The following SSH1 variants were observed in gnomAD, a reference collection of about 807,000 sequenced individuals.
The protein encoded by SSH1 is protein phosphatase Slingshot homolog 1.
In SSH1, 43 loss-of-function variants were observed where a neutral mutation model predicts 79.7. That is an observed-to-expected ratio of 0.54 (90% CI 0.42 to 0.70). The LOEUF (loss-of-function observed/expected upper bound fraction) is 0.70, where lower values mean the gene tolerates loss of function less well. SSH1 is among the 30% of genes least tolerant of loss of function. The pLI, the probability that SSH1 is intolerant of heterozygous loss-of-function variation, is 0.00. For synonymous variants in SSH1, 599 were observed against 538.3 expected, an observed-to-expected ratio of 1.11 and a Z score of -1.56; for missense variants, 1,206 against 1,358.8, an observed-to-expected ratio of 0.89 and a Z score of 1.77.
chr12:108,845,560 G>T (rs928362107), intron 2 of SSH1, among the ~76,000 whole-genome samples: 2 of 152,048 alleles, frequency 1.3e-5, no homozygotes, highest in Non-Finnish European at 2.9e-5. Flanking sequence ...GGTGGTATGC[G>T]CCTGTAATCC....
intron 2 of SSH1, among the ~76,000 whole-genome samples, chr12:108,830,376 C>T (rs2038443543): frequency 6.6e-6 from 1 of 152,074 alleles, no homozygotes; most frequent in Admixed American, 6.5e-5. Flanking sequence ...CACTTGTACC[C>T]TGGAGGTCGA....
rs920801484 is a variant in SSH1 at position 108,827,132 on chromosome 12, G to T, written c.111-3771C>A. ...TTCATAAGATTAAAGTTTCTCCAAA[G>T]CATTGAAGACAGACAAAAAACCTCA... On this transcript the variant is annotated intron_variant, in intron 2 of 14. Coordinates refer to ENST00000326495, the MANE Select transcript of SSH1 (RefSeq NM_018984.4). 3 of 788,260 alleles carry T rather than the reference G, an allele frequency of 3.8e-6. No homozygotes were observed. The African/African-American group carries it at 5.3e-5, about 14-fold the overall frequency. The allele number at this position is 788,260 out of a possible 1,614,324, so 48.8% of individuals were successfully genotyped here.
At chr12:108,818,764 T>A (rs184426682) in intron 3 of SSH1, among the ~76,000 whole-genome samples, 2 of 152,232 alleles carry the variant, frequency 1.3e-5, no homozygotes, top group South Asian at 2.1e-4. Context: ...TCAAACAACT[T>A]CTTCTTCTAT....
At chr12:108,846,420 G>A (rs1322360175) in intron 2 of SSH1, among the ~76,000 whole-genome samples, 3 of 152,178 alleles carry the variant, frequency 2.0e-5, no homozygotes, top group African/African-American at 7.2e-5. Flanking sequence ...GGATGGCAAG[G>A]GAGCCAGGAG....
chr12:108,851,422 A>G (rs2039037238), intron 2 of SSH1, among the ~76,000 whole-genome samples: 1 of 152,088 alleles, frequency 6.6e-6, no homozygotes, highest in African/African-American at 2.4e-5. Flanking sequence ...TTTTCCAATT[A>G]ATTTTCCTTC....
chr12:108,847,188 TG>T (rs1285183821), intron 2 of SSH1, among the ~76,000 whole-genome samples: 1 of 152,158 alleles, frequency 6.6e-6, no homozygotes, highest in Non-Finnish European at 1.5e-5. Flanking sequence ...CGTGAGCCAC[TG>T]GGCCTGGCCT....
rs1015994826 is a variant in SSH1 at position 108,783,406 on chromosome 12, T to C, written c.*4582A>G. The C allele has an allele frequency of 1.4e-4, 22 of 152,342 alleles. No individual in the cohort carries two copies. The highest frequency in any genetic ancestry group is 4.6e-4 in the African/African-American group (19 of 41,576). 9.4% of individuals were successfully genotyped at this position (152,342 alleles called of 1,614,324 possible). A position where few individuals can be genotyped will look rare whatever the true frequency, so the allele number is the denominator to read the frequency against. ...ACTTTAACAGTTTTGCATAAATACA[T>C]AGTATTTGTAAACTATTATTAAGGC... On this transcript the variant is annotated 3_prime_UTR_variant, in exon 15 of 15. Transcript: ENST00000326495.
Position 108,857,418 on chromosome 12 carries a change from CG to C in SSH1, c.69+9del. 1 of 1,074,388 alleles carries C rather than the reference CG, an allele frequency of 9.3e-7. No individual in the cohort carries two copies. 66.6% of individuals were successfully genotyped at this position (1,074,388 alleles called of 1,614,324 possible). A position where few individuals can be genotyped will look rare whatever the true frequency, so the allele number is the denominator to read the frequency against. On this transcript the variant is annotated intron_variant, in intron 1 of 14. Coordinates refer to ENST00000326495, the MANE Select transcript of SSH1 (RefSeq NM_018984.4). The surrounding 1 kb of genome is among the most constrained non-coding windows in gnomAD (Gnocchi z 4.7). ...CGGCCCAGGCCGGGCGCGGCGAGCC[CG>C]GGGCTCACCTCGCTGTTGCTGGCCG...
At chr12:108,795,016 T>C (rs944140744) in intron 13 of SSH1, among the ~76,000 whole-genome samples, 6 of 152,128 alleles carry the variant, frequency 3.9e-5, no homozygotes, top group Non-Finnish European at 8.8e-5. Context: ...ATGACTCTCT[T>C]CCCCCTACCC....
chr12:108,822,234 A>G (rs2038148539), intron 3 of SSH1, among the ~76,000 whole-genome samples: 1 of 152,154 alleles, frequency 6.6e-6, no homozygotes, highest in Non-Finnish European at 1.5e-5. Flanking sequence ...CCTGGGCTCA[A>G]GCAATCCTCC....
In SSH1 at chr12:108,793,009, A is replaced by C. The variant is rs933471318; in HGVS notation, c.1350-180T>G. 2.6e-5 allele frequency among the ~76,000 whole-genome samples: 4 copies of C among 152,212 alleles called. No homozygotes were observed. In the East Asian group the frequency reaches 7.7e-4, roughly 29 times the overall value. On this transcript the variant is annotated intron_variant, in intron 13 of 14. Transcript: ENST00000326495. ...GTTCCCAAGAAACACAAGGATGAGA[A>C]ACAGCACTGGCTCCTAAGTTGTCCA... is the stretch of plus-strand genomic sequence containing the variant.
chr12:108,794,866 T>C (rs752382359), intron 13 of SSH1, among the ~76,000 whole-genome samples: 12 of 146,062 alleles, frequency 8.2e-5, no homozygotes, highest in Non-Finnish European at 1.7e-4. Flanking sequence ...TTGTGGGGGG[T>C]GGGTGGGAAG....
chr12:108,795,593 G>A (rs1177246187), intron 13 of SSH1, among the ~76,000 whole-genome samples: 1 of 151,926 alleles, frequency 6.6e-6, no homozygotes, highest in African/African-American at 2.4e-5. Flanking sequence ...ATTTGGGCCA[G>A]GTGTGGTGGC....
Position 108,849,145 on chromosome 12 carries a change from C to T in SSH1, c.110+3493G>A, listed in dbSNP as rs542159375. On this transcript the variant is annotated intron_variant, in intron 2 of 14. Coordinates refer to ENST00000326495, the MANE Select transcript of SSH1 (RefSeq NM_018984.4). ...GGCCTCAGCCACCAACCGGGAAAAC[C>T]CCCCTCCAAGGGCTGTTTTGAGAAT... 2.0e-5 allele frequency among the ~76,000 whole-genome samples: 3 copies of T among 152,308 alleles called. No homozygotes were observed. In the East Asian group the frequency reaches 5.8e-4, roughly 29 times the overall value.
intron 7 of SSH1, among the ~76,000 whole-genome samples, chr12:108,808,479 A>G (rs1390897846): frequency 2.6e-5 from 4 of 152,272 alleles, no homozygotes; most frequent in Non-Finnish European, 5.9e-5. Flanking sequence ...GGGTTATTTT[A>G]CAACCCATCA....
At chr12:108,826,694 A>G (rs1014459560) in intron 2 of SSH1, among the ~76,000 whole-genome samples, 1 of 152,046 alleles carries the variant, frequency 6.6e-6, no homozygotes, top group Admixed American at 6.5e-5. Context: ...TGACCTGAAT[A>G]CTGTATCTGA....
chr12:108,823,325 G>A lies in SSH1; in HGVS notation c.147C>T (p.Ala49=), dbSNP rs142896692. The A allele has an allele frequency of 3.3e-4, 517 of 1,583,624 alleles. 4 individuals are homozygous for A. In the African/African-American group the frequency reaches 6.1e-3, roughly 19 times the overall value. The part of the protein sequence containing the change: ...SESFFMVKGA[A]LFLQQGSSPQ... ...GGCTGCTTCCCTGTTGTAAGAAGAG[G>A]GCTGCGCCTTTCACCATGAAAAAGC... The change falls in exon 3 of 15, where the codon GCC becomes GCT. Residue 49 remains alanine (A), a synonymous_variant. Coordinates refer to ENST00000326495, the MANE Select transcript of SSH1 (RefSeq NM_018984.4).
At chr12:108,802,649 C>T (rs577550048) in intron 10 of SSH1, among the ~76,000 whole-genome samples, 8 of 152,248 alleles carry the variant, frequency 5.3e-5, no homozygotes, top group Admixed American at 2.6e-4. Context: ...ACCTGCTCTC[C>T]GTCTCCCCAC....
chr12:108,840,108 C>T (rs2137256103), intron 2 of SSH1, among the ~76,000 whole-genome samples: 1 of 152,310 alleles, frequency 6.6e-6, no homozygotes, highest in African/African-American at 2.4e-5. Flanking sequence ...TGCAATTCTG[C>T]CCCCACACTG....
Sources: allele counts gnomAD v4.1 joint callset (sites outside exome capture counted in the v4.1 genomes callset), GRCh38; gene constraint gnomAD v4.1.1; non-coding constraint Gnocchi (gnomAD v3.1); transcripts MANE v1.5; gene names NCBI Gene and HGNC (gene_info 2026-07-23, HGNC 2026-07-21).